Variants in DNAJC1 observed in about 807,000 individuals in gnomAD.
DNAJC1 encodes dnaJ homolog subfamily C member 1.
Under a neutral mutation model 76.6 loss-of-function variants are expected in DNAJC1, and 58 were observed. The observed-to-expected ratio is 0.76, with a 90% CI of 0.61 to 0.94. The LOEUF (loss-of-function observed/expected upper bound fraction) is 0.94. Ranked by LOEUF, DNAJC1 falls within the 40% of genes least tolerant of loss-of-function variation. The pLI, the probability that DNAJC1 is intolerant of heterozygous loss-of-function variation, is 0.00. For missense variants in DNAJC1, 689 were observed against 677.3 expected (o/e 1.02, Z -0.19); for synonymous variants, 258 against 267.9 (o/e 0.96, Z 0.36).
chr10:21,955,629 C>T (rs1327729158), intron 1 of DNAJC1, among the ~76,000 whole-genome samples: 1 of 152,108 alleles, frequency 6.6e-6, no homozygotes, highest in Non-Finnish European at 1.5e-5. Flanking sequence ...TTAACATTTT[C>T]ATTACCTCAT....
rs1036156510 is a variant in DNAJC1 at position 21,932,173 on chromosome 10, C to CA, written c.223-3033dup. Among the ~76,000 whole-genome samples the CA allele has an allele frequency of 5.3e-5, 8 of 150,518 alleles. No homozygotes were observed. In the South Asian group the frequency reaches 1.1e-3, roughly 20 times the overall value. ...GCAACATGGAAAAACCCCATCTGTG[C>CA]AAAAAAAAATTGTTTAATTAGCTGG... On this transcript the variant is annotated intron_variant, in intron 1 of 11. Transcript: ENST00000376980.
At chr10:22,003,121 T>C in intron 1 of DNAJC1, 92 bp downstream of exon 1, 1 of 1,363,052 alleles carries the variant, frequency 7.3e-7, no homozygotes, top group Non-Finnish European at 9.5e-7. Context: ...GACCAAGCCC[T>C]GCCCTACGTG....
intron 9 of DNAJC1, among the ~76,000 whole-genome samples, chr10:21,794,896 A>G (rs1253322770): frequency 6.6e-6 from 1 of 152,180 alleles, no homozygotes; most frequent in Non-Finnish European, 1.5e-5. Flanking sequence ...AGTGTTTCAG[A>G]TTTCAGATTT....
chr10:21,955,442 T>G (rs1239255988), intron 1 of DNAJC1, among the ~76,000 whole-genome samples: 1 of 152,166 alleles, frequency 6.6e-6, no homozygotes, highest in African/African-American at 2.4e-5. Flanking sequence ...AAGTATTACC[T>G]CTGACAAATG....
chr10:21,796,791 G>A (rs956493739), intron 9 of DNAJC1, among the ~76,000 whole-genome samples: 2 of 152,094 alleles, frequency 1.3e-5, no homozygotes, highest in Non-Finnish European at 2.9e-5. Flanking sequence ...ACTTAAATAT[G>A]AGGTTATTTT....
chr10:21,927,647 A>G (rs1480127313), intron 3 of DNAJC1, among the ~76,000 whole-genome samples: 1 of 152,236 alleles, frequency 6.6e-6, no homozygotes, highest in Non-Finnish European at 1.5e-5. Flanking sequence ...CCTAGAATAG[A>G]AAATAATGTG....
At chr10:21,995,245 A>C (rs917147258) in intron 1 of DNAJC1, among the ~76,000 whole-genome samples, 3 of 152,158 alleles carry the variant, frequency 2.0e-5, no homozygotes, top group African/African-American at 7.2e-5. Context: ...TACCTTCCTC[A>C]TGTGTACGGA....
chr10:21,773,825 A>G (rs1361624784), intron 9 of DNAJC1, among the ~76,000 whole-genome samples: 2 of 149,898 alleles, frequency 1.3e-5, no homozygotes, highest in Non-Finnish European at 3.0e-5. Context: ...TTTTTGCTAT[A>G]AAGATTACTA....
At position 21,837,672 on chromosome 10, in the gene DNAJC1, C is replaced by T. The variant is rs570306274; in HGVS notation, c.979-31573G>A. 2.4e-3 allele frequency among the ~76,000 whole-genome samples: 358 copies of T among 150,492 alleles called. 2 individuals carry two copies. Among genetic ancestry groups the T allele is most frequent in the Middle Eastern group, 0.01 (3 of 288 alleles). The stretch of plus-strand genomic sequence containing the variant: ...CTAGGAAGTGAGGAGCCCCTCCGCC[C>T]GGCAGCCGCCCCGTCTGGGAAGTGA... On this transcript the variant is annotated intron_variant, in intron 8 of 11. Transcript: ENST00000376980.
At chr10:21,976,322 C>T (rs1229747249) in intron 1 of DNAJC1, among the ~76,000 whole-genome samples, 1 of 152,044 alleles carries the variant, frequency 6.6e-6, no homozygotes, top group Non-Finnish European at 1.5e-5. Flanking sequence ...AAAATGTTGG[C>T]ATATGTAAAA....
intron 7 of DNAJC1, among the ~76,000 whole-genome samples, chr10:21,892,430 T>C (rs922804297): frequency 1.3e-5 from 2 of 151,126 alleles, no homozygotes; most frequent in Admixed American, 1.3e-4. Flanking sequence ...ACAGAGAAAT[T>C]CTATCTGTAA....
intron 6 of DNAJC1, among the ~76,000 whole-genome samples, chr10:21,908,923 T>C (rs538218359): frequency 3.9e-5 from 6 of 152,180 alleles, no homozygotes; most frequent in African/African-American, 1.4e-4. Context: ...TCTCGCTGTG[T>C]CGCCCAGGCT....
intron 1 of DNAJC1, among the ~76,000 whole-genome samples, chr10:22,002,937 A>C (rs1223650954): frequency 6.6e-6 from 1 of 152,014 alleles, no homozygotes; most frequent in African/African-American, 2.4e-5. Flanking sequence ...CTTCCCCAGA[A>C]CGCCGGAGCA....
chr10:21,782,324 T>G (rs1215160791), intron 9 of DNAJC1, among the ~76,000 whole-genome samples: 2 of 151,982 alleles, frequency 1.3e-5, no homozygotes, highest in Non-Finnish European at 2.9e-5. Context: ...ACATAAACCC[T>G]CCCAAGACTA....
intron 3 of DNAJC1, 65 bp downstream of exon 3, chr10:21,928,441 A>G: frequency 7.3e-7 from 1 of 1,365,006 alleles, no homozygotes; most frequent in Non-Finnish European, 1.0e-6. Context: ...AAGAAGACTT[A>G]ATTCTTTATA....
intron 1 of DNAJC1, among the ~76,000 whole-genome samples, chr10:21,998,056 T>C (rs1358206958): frequency 6.6e-6 from 1 of 152,082 alleles, no homozygotes; most frequent in African/African-American, 2.4e-5. Context: ...AATTACTGTA[T>C]ACAAAGGATA....
At chr10:21,790,758 T>G (rs967479394) in intron 9 of DNAJC1, among the ~76,000 whole-genome samples, 3 of 151,930 alleles carry the variant, frequency 2.0e-5, no homozygotes, top group African/African-American at 7.3e-5. Flanking sequence ...GATCAAATCT[T>G]AATATTACAG....
At chr10:21,976,753 A>G (rs1590075930) in intron 1 of DNAJC1, among the ~76,000 whole-genome samples, 1 of 152,256 alleles carries the variant, frequency 6.6e-6, no homozygotes, top group Non-Finnish European at 1.5e-5. Flanking sequence ...ACAAAACGCA[A>G]ACGAGCTAGA....
intron 9 of DNAJC1, among the ~76,000 whole-genome samples, chr10:21,787,653 C>T (rs1307734817): frequency 3.9e-5 from 6 of 152,188 alleles, no homozygotes. Flanking sequence ...AAATGCCAGG[C>T]CTCTGCCACT....
Sources: gnomAD v4.1 joint callset for allele counts (sites outside exome capture counted in the v4.1 genomes callset) on GRCh38, gnomAD v4.1.1 for gene constraint, MANE v1.5 for transcripts, NCBI Gene and HGNC (gene_info 2026-07-23, HGNC 2026-07-21) for gene names.